Variants in ERCC3 observed in about 807,000 individuals in gnomAD.
ERCC3 encodes general transcription and DNA repair factor IIH helicase/translocase subunit XPB.
Under a neutral mutation model 94.2 loss-of-function variants are expected in ERCC3, and 66 were observed. The ratio of observed to expected loss-of-function variants is 0.70; its 90% CI spans 0.57 to 0.86. The LOEUF (loss-of-function observed/expected upper bound fraction) is 0.86. Ranked by LOEUF, ERCC3 falls within the 40% of genes least tolerant of loss-of-function variation. The pLI is 0.00. For synonymous variants in ERCC3, 349 were observed against 369.1 expected, an observed-to-expected ratio of 0.95 and a Z score of 0.63; for missense variants, 829 against 987.1, an observed-to-expected ratio of 0.84 and a Z score of 2.15.
At chr2:127,269,012 G>A (rs1042871279) in intron 12 of ERCC3, among the ~76,000 whole-genome samples, 3 of 152,150 alleles carry the variant, frequency 2.0e-5, no homozygotes, top group African/African-American at 7.2e-5. Context: ...ACTAATGGGT[G>A]GGGAGAATTT....
intron 2 of ERCC3, 94 bp from the exon 3 acceptor site, chr2:127,292,940 T>G: frequency 1.3e-6 from 1 of 798,376 alleles, no homozygotes; most frequent in Non-Finnish European, 2.2e-6. Context: ...AAGAATAAGC[T>G]GCCCAACACC....
intron 3 of ERCC3, chr2:127,290,589 C>T: frequency 2.3e-6 from 1 of 437,576 alleles, no homozygotes; most frequent in Middle Eastern, 6.9e-4. Context: ...GAGAAGACCA[C>T]ACCAGTATTA....
Position 127,280,106 on chromosome 2 carries a change from T to A in ERCC3, c.1527+341A>T, listed in dbSNP as rs1675424158. ...GGGCTATCAGAGCAAAGCCCTTTGC[T>A]GCCAGGCTCCCAGGCAGCACTGTGG... On this transcript the variant is annotated intron_variant, in intron 9 of 14. Coordinates refer to ENST00000285398, the MANE Select transcript of ERCC3 (RefSeq NM_000122.2). This position sits in a 1 kb window ranked among gnomAD's most constrained non-coding sequence, Gnocchi z 6.3. Among the ~76,000 whole-genome samples the A allele has an allele frequency of 6.6e-6, 1 of 152,224 alleles. No individual in the cohort carries two copies.
rs1573925656 is a variant in ERCC3, at chr2:127,259,318, T to C, written c.2195A>G (p.Glu732Gly). ...CACCTGGCTGGATCTGGAGCCAAAT[T>C]CCCCAGCCACCACCTCCTCCTCGGC... ...LDAEEEVVAGEFGSRSSQASR... is the reference protein window; with the variant it reads ...LDAEEEVVAGGFGSRSSQASR... Residue 732 changes from glutamate to glycine, a missense_variant, in exon 14 of 15, where the codon GAA becomes GGA. Glu to Gly is a moderately conservative substitution (Grantham distance 98). Transcript: ENST00000285398. This position sits in a 1 kb window ranked among gnomAD's most constrained non-coding sequence, Gnocchi z 4.9. The C allele has an allele frequency of 6.2e-7, 1 of 1,614,132 alleles. No individual in the cohort carries two copies. The highest frequency in any genetic ancestry group is 8.5e-7 in the Non-Finnish European group (1 of 1,180,020).
At chr2:127,265,391 T>G (rs1389658809) in intron 12 of ERCC3, among the ~76,000 whole-genome samples, 35 of 152,146 alleles carry the variant, frequency 2.3e-4, no homozygotes, top group Non-Finnish European at 1.5e-5. Flanking sequence ...TTCTCTTTTC[T>G]GTTAATCTAA....
intron 12 of ERCC3, 32 bp from the exon 13 acceptor site, chr2:127,261,378 A>T: frequency 7.6e-7 from 1 of 1,308,286 alleles, no homozygotes; most frequent in Non-Finnish European, 1.1e-6. Flanking sequence ...GGCAATAAAG[A>T]AGACAACATT....
chr2:127,292,627 T>C lies in ERCC3; in HGVS notation c.454A>G (p.Ile152Val), dbSNP rs1458243351. 6.2e-7 allele frequency: 1 copy of C among 1,612,570 alleles called. No homozygotes were observed. ...TCACTTGCCTTAATAAACTGCATAA[T>C]TCCATCAGGGACTCCAGTCTTGCTG... The part of the protein sequence containing the change: ...KLSKTGVPDG[I>V]MQFIKLCTVS... Residue 152 changes from isoleucine to valine, a missense_variant, in exon 3 of 15, where the codon ATT (isoleucine) becomes GTT (valine). Transcript: ENST00000285398.
chr2:127,257,730 G>T lies in ERCC3; in HGVS notation c.2218-3C>A, dbSNP rs1238858970. ...ATGGTGCCAAAGCGCCGAGATGCCT[G>T]CCGGGAAGGGGGAACCAGCCCATGT... On this transcript the variant is annotated splice_polypyrimidine_tract_variant and splice_region_variant and intron_variant, in intron 14 of 14. Coordinates refer to ENST00000285398, the MANE Select transcript of ERCC3 (RefSeq NM_000122.2). The surrounding 1 kb of genome is among the most constrained non-coding windows in gnomAD (Gnocchi z 5.4). 1 of 1,614,190 alleles carries T rather than the reference G, an allele frequency of 6.2e-7. No individual in the cohort carries two copies. The highest frequency in any genetic ancestry group is 1.7e-5 in the Admixed American group (1 of 60,024).
At position 127,287,034 on chromosome 2, in the gene ERCC3, T is replaced by C; in HGVS notation, c.1028-17A>G. ...TTCCAGCACCTACAAGAAACAAGAG[T>C]GCAATCCCACCCAAGGACAGGTTGA... is the stretch of plus-strand genomic sequence containing the variant. On this transcript the variant is annotated splice_polypyrimidine_tract_variant and intron_variant, in intron 7 of 14. Transcript: ENST00000285398. The C allele has an allele frequency of 6.3e-7, 1 of 1,599,304 alleles. No individual in the cohort carries two copies.
chr2:127,285,778 G>C (rs1433756900), intron 8 of ERCC3, among the ~76,000 whole-genome samples: 1 of 151,954 alleles, frequency 6.6e-6, no homozygotes, highest in East Asian at 1.9e-4. Flanking sequence ...TTGAACCCTA[G>C]AGGCGGAGGT....
intron 12 of ERCC3, among the ~76,000 whole-genome samples, chr2:127,266,733 T>G (rs1293679478): frequency 3.5e-5 from 5 of 141,488 alleles, no homozygotes; most frequent in African/African-American, 1.0e-4. Flanking sequence ...TTTTTTTTTT[T>G]GTGACAGAGT....
In ERCC3 at chr2:127,271,637, G is replaced by C. The variant is rs1236381558; in HGVS notation, c.1828-184C>G. Among the ~76,000 whole-genome samples, 1 of 152,174 alleles carries C rather than the reference G, an allele frequency of 6.6e-6. No individual in the cohort carries two copies. The highest frequency in any genetic ancestry group is 2.4e-5 in the African/African-American group (1 of 41,430). ...ATAAACCTCAGAAAGGCATCTCTGG[G>C]TCTCCAGGACCTTGTGTGAGTTCTG... On this transcript the variant is annotated intron_variant, in intron 11 of 14. Transcript: ENST00000285398. The surrounding 1 kb of genome is among the most constrained non-coding windows in gnomAD (Gnocchi z 5.0).
chr2:127,280,320 C>T lies in ERCC3; in HGVS notation c.1527+127G>A. ...CCCAACCACAGGGTGACTGAGGATC[C>T]TGTATGAAGTGGTAGCAGGTGAGCC... On this transcript the variant is annotated intron_variant, in intron 9 of 14. Coordinates refer to ENST00000285398, the MANE Select transcript of ERCC3 (RefSeq NM_000122.2). The surrounding 1 kb of genome is among the most constrained non-coding windows in gnomAD (Gnocchi z 6.3). 1 of 842,702 alleles carries T rather than the reference C, an allele frequency of 1.2e-6. No individual in the cohort carries two copies. The highest frequency in any genetic ancestry group is 1.5e-5 in the South Asian group (1 of 68,930). The allele number at this position is 842,702 out of a possible 1,614,324, so 52.2% of individuals were successfully genotyped here.
chr2:127,292,600 T>C lies in ERCC3; in HGVS notation c.471+10A>G. 1 of 1,559,962 alleles carries C rather than the reference T, an allele frequency of 6.4e-7. No individual in the cohort carries two copies. The highest frequency in any genetic ancestry group is 8.8e-7 in the Non-Finnish European group (1 of 1,131,112). On this transcript the variant is annotated intron_variant, in intron 3 of 14. Transcript: ENST00000285398. ...GGCAGGTGGAATTGCTGGTCTCAGC[T>C]GTCACTTGCCTTAATAAACTGCATA...
At chr2:127,275,971 G>C (rs1684725415) in intron 10 of ERCC3, among the ~76,000 whole-genome samples, 10 of 152,194 alleles carry the variant, frequency 6.6e-5, no homozygotes, top group Admixed American at 6.5e-4. Context: ...TGAGAAGGTG[G>C]GGAGGTGCAC....
Position 127,272,864 on chromosome 2 carries a change from C to A in ERCC3, c.1827+1G>T. 6.2e-7 allele frequency: 1 copy of A among 1,608,128 alleles called. No homozygotes were observed. Among genetic ancestry groups the A allele is most frequent in the Non-Finnish European group, 8.5e-7 (1 of 1,174,570 alleles). On this transcript the variant is annotated splice_donor_variant, in intron 11 of 14. Transcript: ENST00000285398. LOFTEE classifies it high-confidence loss of function. Reference sequence around the variant, plus strand: ...ACCTCCACCCCATATGCCACACAAACCTTGGATATGAAGATGGTGTTAATT... The same window carrying A: ...ACCTCCACCCCATATGCCACACAAAACTTGGATATGAAGATGGTGTTAATT...
At chr2:127,273,303 A>C (rs2134794) in intron 10 of ERCC3, among the ~76,000 whole-genome samples, 30,421 of 152,142 alleles carry the variant, frequency 0.2, 3,281 homozygotes, top group South Asian at 0.34. Flanking sequence ...GAGAGGTGCA[A>C]AGAAACCACT....
chr2:127,294,109 A>T lies in ERCC3; in HGVS notation c.-28T>A, dbSNP rs773393311. ...CAGCTACAGCAGCAGAGAGAAGATG[A>T]CCCCGCTCCCACAGGCCCGCCGCGG... On this transcript the variant is annotated 5_prime_UTR_variant, in exon 1 of 15. Transcript: ENST00000285398. 3 of 1,602,412 alleles carry T rather than the reference A, an allele frequency of 1.9e-6. No individual in the cohort carries two copies. The highest frequency in any genetic ancestry group is 2.3e-5 in the East Asian group (1 of 44,386).
chr2:127,284,261 TCTGC>T lies in ERCC3; in HGVS notation c.1342+2438_1342+2441del, dbSNP rs2104767229. On this transcript the variant is annotated intron_variant, in intron 8 of 14. Transcript: ENST00000285398. The surrounding 1 kb of genome is among the most constrained non-coding windows in gnomAD (Gnocchi z 4.1). Reference sequence around the variant, plus strand: ...AGTGTAAAGTCAACTCATGTCATGCTCTGCTCAAATCCCTCAGATGGCTTCACAC... The same window carrying T: ...AGTGTAAAGTCAACTCATGTCATGCTTCAAATCCCTCAGATGGCTTCACAC... The T allele has an allele frequency of 6.6e-6, 1 of 152,404 alleles. No individual in the cohort carries two copies. The highest frequency in any genetic ancestry group is 2.4e-5 in the African/African-American group (1 of 41,586). The allele number at this position is 152,404 out of a possible 1,614,324, so 9.4% of individuals were successfully genotyped here.
Sources: allele counts gnomAD v4.1 joint callset (sites outside exome capture counted in the v4.1 genomes callset), GRCh38; gene constraint gnomAD v4.1.1; non-coding constraint Gnocchi (gnomAD v3.1); transcripts MANE v1.5; gene names NCBI Gene and HGNC (gene_info 2026-07-23, HGNC 2026-07-21).